The following SLC25A21 variants were observed in gnomAD, a reference collection of about 807,000 sequenced individuals.
SLC25A21 encodes the protein solute carrier family 25 member 21.
SLC25A21 carries 47 observed loss-of-function variants against 43.8 expected under a neutral mutation model. That is an observed-to-expected ratio of 1.07 (90% CI 0.85 to 1.37). The LOEUF is 1.37. Among genes scored for constraint, SLC25A21 ranks in the 40% most tolerant of loss-of-function variants. The pLI, the probability that SLC25A21 is intolerant of heterozygous loss-of-function variation, is 0.00. For synonymous variants in SLC25A21, 131 were observed against 121.3 expected (o/e 1.08, Z -0.52); for missense variants, 352 against 350.2 (o/e 1.00, Z -0.04).
rs117045119 is a variant in SLC25A21 at position 37,049,309 on chromosome 14, C to T, written c.70+122972G>A. ...TCAAGAATGACATACTGACTGGGCACGGTGGCTCACACAGCACTTTGGCAG... is the reference window on the plus strand; with the variant it reads ...TCAAGAATGACATACTGACTGGGCATGGTGGCTCACACAGCACTTTGGCAG... On this transcript the variant is annotated intron_variant, in intron 1 of 9. Transcript: ENST00000331299. Among the ~76,000 whole-genome samples, 1,056 of 152,276 alleles carry T rather than the reference C, an allele frequency of 6.9e-3. 43 individuals carry two copies. Among genetic ancestry groups the T allele is most frequent in the Admixed American group, 0.06 (923 of 15,296 alleles).
chr14:37,157,556 C>T (rs1404514013), intron 1 of SLC25A21, among the ~76,000 whole-genome samples: 4 of 151,922 alleles, frequency 2.6e-5, no homozygotes, highest in Admixed American at 2.6e-4. Flanking sequence ...AATGGAAACA[C>T]AACATACCAA....
intron 1 of SLC25A21, among the ~76,000 whole-genome samples, chr14:37,084,697 T>C (rs2138842521): frequency 6.6e-6 from 1 of 152,356 alleles, no homozygotes; most frequent in African/African-American, 2.4e-5. Context: ...AGTAAGTTCC[T>C]AATCGATTCA....
rs1301032953 is a variant in SLC25A21, at chr14:36,876,934, TAGATACAC to T, written c.71-1938_71-1931del. ...ATAGATAGATAGATAGATAGATAGATAGATACACACACACACATACATATACATATATT... is the reference window on the plus strand; with the variant it reads ...ATAGATAGATAGATAGATAGATAGATACACACACATACATATACATATATT... On this transcript the variant is annotated intron_variant, in intron 1 of 9. Coordinates refer to ENST00000331299, the MANE Select transcript of SLC25A21 (RefSeq NM_030631.4). Among the ~76,000 whole-genome samples, 688 of 150,486 alleles carry T rather than the reference TAGATACAC, an allele frequency of 4.6e-3. 7 individuals carry two copies. The highest frequency in any genetic ancestry group is 0.015 in the African/African-American group (604 of 40,856).
chr14:36,898,341 G>A (rs1360125271), intron 1 of SLC25A21, among the ~76,000 whole-genome samples: 1 of 152,198 alleles, frequency 6.6e-6, no homozygotes, highest in Non-Finnish European at 1.5e-5. Context: ...TCCAGGCACA[G>A]GATATAATCT....
At chr14:36,786,524 G>A (rs990508406) in intron 3 of SLC25A21, among the ~76,000 whole-genome samples, 1 of 152,146 alleles carries the variant, frequency 6.6e-6, no homozygotes, top group Non-Finnish European at 1.5e-5. Flanking sequence ...ATGAATTCCA[G>A]AATATTCCTA....
intron 2 of SLC25A21, among the ~76,000 whole-genome samples, chr14:36,830,995 T>A (rs1889020682): frequency 6.6e-6 from 1 of 152,218 alleles, no homozygotes; most frequent in Non-Finnish European, 1.5e-5. Flanking sequence ...AAGCCTGATT[T>A]TATTTACCCA....
intron 1 of SLC25A21, among the ~76,000 whole-genome samples, chr14:36,895,592 T>A (rs1186760269): frequency 6.6e-6 from 1 of 152,202 alleles, no homozygotes; most frequent in East Asian, 1.9e-4. Flanking sequence ...CTTTTGAATG[T>A]GTTTGCTCTT....
At chr14:36,919,163 A>G (rs1352934419) in intron 1 of SLC25A21, among the ~76,000 whole-genome samples, 1 of 152,146 alleles carries the variant, frequency 6.6e-6, no homozygotes, top group Admixed American at 6.6e-5. Context: ...AAATCCTTTG[A>G]AACCCAAACT....
At chr14:36,884,758 T>G (rs1859435438) in intron 1 of SLC25A21, among the ~76,000 whole-genome samples, 1 of 152,234 alleles carries the variant, frequency 6.6e-6, no homozygotes, top group African/African-American at 2.4e-5. Flanking sequence ...ATATGTCTGT[T>G]GGCTGCCTGT....
intron 1 of SLC25A21, among the ~76,000 whole-genome samples, chr14:37,058,831 T>C (rs757077789): frequency 1.3e-5 from 2 of 152,152 alleles, no homozygotes; most frequent in Admixed American, 6.5e-5. Context: ...AGTGGCACCA[T>C]GGTTGGTCTG....
In SLC25A21 at chr14:36,994,008, T is replaced by A. The variant is rs563241575; in HGVS notation, c.71-119004A>T. 7.9e-5 allele frequency among the ~76,000 whole-genome samples: 12 copies of A among 152,208 alleles called. No homozygotes were observed. In the South Asian group the frequency reaches 2.5e-3, roughly 32 times the overall value. ...AGCATTTTTTTTCATATACACAAAATGATGAATGAGCTATATGCAATATTA... is the reference window on the plus strand; with the variant it reads ...AGCATTTTTTTTCATATACACAAAAAGATGAATGAGCTATATGCAATATTA... On this transcript the variant is annotated intron_variant, in intron 1 of 9. Coordinates refer to ENST00000331299, the MANE Select transcript of SLC25A21 (RefSeq NM_030631.4).
chr14:36,963,495 T>C (rs1450812978), intron 1 of SLC25A21, among the ~76,000 whole-genome samples: 1 of 152,174 alleles, frequency 6.6e-6, no homozygotes, highest in Non-Finnish European at 1.5e-5. Flanking sequence ...TGCAAGACCA[T>C]GCATGGGGTT....
chr14:36,794,725 C>T (rs947615553), intron 3 of SLC25A21, among the ~76,000 whole-genome samples: 8 of 149,604 alleles, frequency 5.3e-5, no homozygotes, highest in Non-Finnish European at 1.0e-4. Context: ...GCTGAGATCA[C>T]ACCACTGCAC....
chr14:36,960,689 T>C lies in SLC25A21; in HGVS notation c.71-85685A>G, dbSNP rs1403083005. On this transcript the variant is annotated intron_variant, in intron 1 of 9. Coordinates refer to ENST00000331299, the MANE Select transcript of SLC25A21 (RefSeq NM_030631.4). ...TGTTATTCTCTGGCCAGTACCTTTA[T>C]GGCAAATCCCTCTAAAGCAAGAAAT... Among the ~76,000 whole-genome samples the C allele has an allele frequency of 7.2e-5, 11 of 152,266 alleles. No homozygotes were observed. In the East Asian group the frequency reaches 2.1e-3, roughly 29 times the overall value.
chr14:36,797,153 C>T (rs1237923419), intron 3 of SLC25A21, among the ~76,000 whole-genome samples: 10 of 152,162 alleles, frequency 6.6e-5, no homozygotes, highest in Non-Finnish European at 1.3e-4. Flanking sequence ...TTATAACTAA[C>T]ATCAAATTTC....
chr14:36,774,246 AT>A (rs1886734355), intron 3 of SLC25A21, among the ~76,000 whole-genome samples: 1 of 152,228 alleles, frequency 6.6e-6, no homozygotes, highest in Admixed American at 6.5e-5. Context: ...GAAACTCGAC[AT>A]TTGTAAATGC....
chr14:36,728,509 T>C (rs1352913352), intron 5 of SLC25A21, among the ~76,000 whole-genome samples: 4 of 152,238 alleles, frequency 2.6e-5, no homozygotes, highest in Non-Finnish European at 4.4e-5. Flanking sequence ...TCGAGATTCA[T>C]GGTATCACTG....
intron 1 of SLC25A21, among the ~76,000 whole-genome samples, chr14:37,067,396 T>C (rs1015074587): frequency 3.3e-5 from 5 of 152,182 alleles, no homozygotes; most frequent in African/African-American, 1.2e-4. Flanking sequence ...TGAAATTATA[T>C]ACATAGGTAT....
At chr14:37,027,450 G>C (rs1412415728) in intron 1 of SLC25A21, among the ~76,000 whole-genome samples, 1 of 152,104 alleles carries the variant, frequency 6.6e-6, no homozygotes, top group Non-Finnish European at 1.5e-5. Flanking sequence ...GAATACTGAT[G>C]ATGAGCTTTG....
Sources: gnomAD v4.1 joint callset for allele counts (sites outside exome capture counted in the v4.1 genomes callset) on GRCh38, gnomAD v4.1.1 for gene constraint, MANE v1.5 for transcripts, NCBI Gene and HGNC (gene_info 2026-07-23, HGNC 2026-07-21) for gene names.